Variants in SORT1 observed in about 807,000 individuals in gnomAD.
The protein encoded by SORT1 is sortilin 1.
Under a neutral mutation model 101.7 loss-of-function variants are expected in SORT1, and 39 were observed. The ratio of observed to expected loss-of-function variants is 0.38; its 90% CI spans 0.30 to 0.50. The LOEUF is 0.50. Among genes scored for constraint, SORT1 ranks in the 20% least tolerant of loss-of-function variants. The pLI, the probability that SORT1 is intolerant of heterozygous loss-of-function variation, is 0.90. For synonymous variants in SORT1, 396 were observed against 393.7 expected, an observed-to-expected ratio of 1.01 and a Z score of -0.07; for missense variants, 878 against 1,040.4, an observed-to-expected ratio of 0.84 and a Z score of 2.15.
chr1:109,327,987 AC>A (rs1648200853), intron 11 of SORT1, among the ~76,000 whole-genome samples: 2 of 152,110 alleles, frequency 1.3e-5, no homozygotes, highest in African/African-American at 4.8e-5. Flanking sequence ...TTTGTGTCTG[AC>A]TTATTTCACT....
chr1:109,390,318 T>C (rs115359438), intron 1 of SORT1, among the ~76,000 whole-genome samples: 16 of 152,296 alleles, frequency 1.1e-4, no homozygotes, highest in African/African-American at 3.9e-4. Flanking sequence ...CTCCACTCAG[T>C]ACATGGCAGG....
In SORT1 at chr1:109,314,248, G is replaced by A; in HGVS notation, c.2481+13C>T. On this transcript the variant is annotated intron_variant, in intron 19 of 19. Transcript: ENST00000256637. ...GGGGGGGGGTACTACCATTCAAGAA[G>A]AAATAGCCTCACCTCATCTGAGTCA... 6.2e-7 allele frequency: 1 copy of A among 1,605,388 alleles called. No individual in the cohort carries two copies. Among genetic ancestry groups the A allele is most frequent in the Non-Finnish European group, 8.5e-7 (1 of 1,174,178 alleles).
At chr1:109,396,769 T>C (rs895332368) in intron 1 of SORT1, among the ~76,000 whole-genome samples, 1 of 152,232 alleles carries the variant, frequency 6.6e-6, no homozygotes, top group African/African-American at 2.4e-5. Flanking sequence ...CAAATGTGGC[T>C]AGCAAGGATT....
At chr1:109,391,477 G>A (rs953565580) in intron 1 of SORT1, among the ~76,000 whole-genome samples, 4 of 152,306 alleles carry the variant, frequency 2.6e-5, no homozygotes, top group East Asian at 1.9e-4. Context: ...ATGAGGAATC[G>A]AGGGCCAGAG....
Position 109,376,286 on chromosome 1 carries a change from G to C in SORT1, c.307-6697C>G, listed in dbSNP as rs1405999748. ...GCGGAGCTTGCAGTGAGCCGTGATC[G>C]CGCCACCGCATTCCAGCCTGGGCAA... On this transcript the variant is annotated intron_variant, in intron 1 of 19. Coordinates refer to ENST00000256637, the MANE Select transcript of SORT1 (RefSeq NM_002959.7). Among the ~76,000 whole-genome samples the C allele has an allele frequency of 8.2e-5, 12 of 147,028 alleles. No homozygotes were observed. The East Asian group carries it at 2.2e-3, about 27-fold the overall frequency.
intron 7 of SORT1, among the ~76,000 whole-genome samples, chr1:109,346,314 TAA>T (rs56298313): frequency 6.5e-4 from 56 of 86,620 alleles, no homozygotes; most frequent in South Asian, 6.7e-4. Context: ...CTCCGTCTCA[TAA>T]AAAAAAAAAA....
chr1:109,374,588 C>T (rs532705393), intron 1 of SORT1, among the ~76,000 whole-genome samples: 1 of 129,452 alleles, frequency 7.7e-6, no homozygotes, highest in African/African-American at 2.8e-5. Context: ...AACACCGTCT[C>T]AAAAAAAAAA....
chr1:109,356,843 C>T (rs1311840937), intron 3 of SORT1, among the ~76,000 whole-genome samples: 3 of 152,214 alleles, frequency 2.0e-5, no homozygotes, highest in Non-Finnish European at 2.9e-5. Flanking sequence ...CTAACCCTGA[C>T]AGGTTTAATA....
intron 1 of SORT1, among the ~76,000 whole-genome samples, chr1:109,379,971 T>A (rs1652114249): frequency 6.6e-6 from 1 of 152,060 alleles, no homozygotes; most frequent in African/African-American, 2.4e-5. Flanking sequence ...GTAAAAAAAT[T>A]AAATTATAAA....
chr1:109,327,973 T>C (rs1055473391), intron 11 of SORT1, among the ~76,000 whole-genome samples: 1 of 152,232 alleles, frequency 6.6e-6, no homozygotes, highest in Non-Finnish European at 1.5e-5. Context: ...ATAATATTTG[T>C]CATTTTGTGT....
chr1:109,314,028 A>C lies in SORT1; in HGVS notation c.*15T>G, dbSNP rs1007627319. On this transcript the variant is annotated 3_prime_UTR_variant, in exon 20 of 20. Transcript: ENST00000256637. ...TGGTTCCACCATCCATGCTGGGTCC[A>C]GCTCCTCTGAAGAGCTATTCCAAGA... 2.5e-6 allele frequency: 4 copies of C among 1,613,748 alleles called. No homozygotes were observed. The African/African-American group carries it at 4.0e-5, about 16-fold the overall frequency.
At chr1:109,315,460 C>T (rs981929954) in intron 17 of SORT1, among the ~76,000 whole-genome samples, 1 of 151,976 alleles carries the variant, frequency 6.6e-6, no homozygotes, top group Admixed American at 6.6e-5. Flanking sequence ...CAAGGGTGCA[C>T]AGAAGGAGGA....
At chr1:109,343,195 G>C (rs936071309) in intron 8 of SORT1, among the ~76,000 whole-genome samples, 3 of 152,036 alleles carry the variant, frequency 2.0e-5, no homozygotes, top group African/African-American at 7.2e-5. Context: ...TAGCTCACAG[G>C]GTTATTGGGA....
chr1:109,317,733 C>T (rs1389453820), intron 16 of SORT1, 120 bp downstream of exon 16: 1 of 724,226 alleles, frequency 1.4e-6, no homozygotes, highest in African/African-American at 1.8e-5. Flanking sequence ...CTGCCCCTCC[C>T]CAACCCCGCC....
chr1:109,382,126 A>G (rs989901172), intron 1 of SORT1, among the ~76,000 whole-genome samples: 48 of 152,056 alleles, frequency 3.2e-4, no homozygotes, highest in African/African-American at 1.0e-3. Flanking sequence ...CACATAGACC[A>G]TATCAGTTTA....
At position 109,327,600 on chromosome 1, in the gene SORT1, C is replaced by A; in HGVS notation, c.1373G>T (p.Cys458Phe). The change falls in exon 12 of 20, where the codon TGC becomes TTC. Residue 458 changes from cysteine (C) to phenylalanine (F), a missense_variant and splice_region_variant. Cys to Phe is a radical substitution (Grantham distance 205, BLOSUM62 -2). This residue lies in a region of SORT1 where 684 missense variants were observed against 894.5 expected (regional missense o/e 0.76). Transcript: ENST00000256637. The stretch of plus-strand genomic sequence containing the variant: ...GTAGGAAGCATGAATATGAAGGCTG[C>A]ACTGTGAAAAGAAACAAAAGCGTAG... Reference protein sequence around the residue: ...CDATAKNKNECSLHIHASYSI... With the variant: ...CDATAKNKNEFSLHIHASYSI... The A allele has an allele frequency of 6.3e-7, 1 of 1,576,066 alleles. No individual in the cohort carries two copies. Among genetic ancestry groups the A allele is most frequent in the African/African-American group, 1.4e-5 (1 of 73,168 alleles).
intron 7 of SORT1, among the ~76,000 whole-genome samples, chr1:109,347,097 A>C (rs1433522649): frequency 1.3e-5 from 2 of 152,206 alleles, no homozygotes; most frequent in Non-Finnish European, 2.9e-5. Flanking sequence ...TGAATGAGTA[A>C]ATGAAAGATT....
intron 6 of SORT1, among the ~76,000 whole-genome samples, chr1:109,350,075 C>T (rs184606752): frequency 6.6e-6 from 1 of 152,172 alleles, no homozygotes; most frequent in Non-Finnish European, 1.5e-5. Flanking sequence ...CCTTCCAGCT[C>T]TCAGGCTGTA....
chr1:109,317,787 G>A, intron 16 of SORT1, 66 bp downstream of exon 16: 1 of 1,072,362 alleles, frequency 9.3e-7, no homozygotes, highest in Non-Finnish European at 1.4e-6. Context: ...AGTGTGGAGA[G>A]AAGCAGCTTT....
Sources: allele counts gnomAD v4.1 joint callset (sites outside exome capture counted in the v4.1 genomes callset), GRCh38; gene constraint gnomAD v4.1.1; regional missense constraint gnomAD v4.1.1; transcripts MANE v1.5; gene names NCBI Gene and HGNC (gene_info 2026-07-23, HGNC 2026-07-21).